DOCK8: variants seen among roughly 807,000 people sequenced by gnomAD.
The protein encoded by DOCK8 is dedicator of cytokinesis 8, also known as dedicator of cytokinesis protein 8.
DOCK8 carries 141 observed loss-of-function variants against 245.6 expected under a neutral mutation model. The observed-to-expected ratio is 0.57, with a 90% CI of 0.50 to 0.66. The LOEUF is 0.66. DOCK8 is among the 30% of genes least tolerant of loss of function. The probability of loss-of-function intolerance (pLI) is 0.00; values close to 1 mark genes in which losing one functional copy is unlikely to be tolerated. For missense variants in DOCK8, 2,965 were observed against 2,603.4 expected, an observed-to-expected ratio of 1.14 and a Z score of -3.02; for synonymous variants, 1,168 against 970.2, an observed-to-expected ratio of 1.20 and a Z score of -3.79.
In DOCK8 at chr9:451,973, A is replaced by G. The variant is rs867561881; in HGVS notation, c.5962-38A>G. The G allele has an allele frequency of 5.9e-5, 22 of 369,992 alleles. No homozygotes were observed. In the East Asian group the frequency reaches 6.7e-4, roughly 11 times the overall value. 22.9% of individuals were successfully genotyped at this position (369,992 alleles called of 1,614,324 possible). A position where few individuals can be genotyped will look rare whatever the true frequency, so the allele number is the denominator to read the frequency against. On this transcript the variant is annotated intron_variant, in intron 45 of 47. Transcript: ENST00000432829. ...TGTGTGTGTATATATATATATATAT[A>G]TATATTTTTTTTTTTTTTTTTTTTT... is the stretch of plus-strand genomic sequence containing the variant.
intron 7 of DOCK8, among the ~76,000 whole-genome samples, chr9:324,480 A>G (rs1210572942): frequency 6.6e-6 from 1 of 152,128 alleles, no homozygotes; most frequent in African/African-American, 2.4e-5. Context: ...TGCACCTGTA[A>G]TGTCCACCAA....
At chr9:310,920 G>A (rs1404521747) in intron 5 of DOCK8, among the ~76,000 whole-genome samples, 1 of 152,150 alleles carries the variant, frequency 6.6e-6, no homozygotes, top group Non-Finnish European at 1.5e-5. Context: ...ACTTGCTTCT[G>A]TCAAAACAAT....
At chr9:410,895 A>T (rs933820049) in intron 28 of DOCK8, among the ~76,000 whole-genome samples, 6 of 152,232 alleles carry the variant, frequency 3.9e-5, no homozygotes, top group Non-Finnish European at 2.9e-5. Context: ...ACACAATCAT[A>T]TCACAAGAGA....
chr9:352,604 G>A (rs1459234954), intron 14 of DOCK8, among the ~76,000 whole-genome samples: 5 of 152,132 alleles, frequency 3.3e-5, no homozygotes, highest in Middle Eastern at 3.4e-3. Context: ...TTAGCTGGGC[G>A]TGGTGGCGGG....
In DOCK8 at chr9:434,033, T is replaced by C; in HGVS notation, c.4886+58T>C. The stretch of plus-strand genomic sequence containing the variant: ...TTTGGGGGTCGAGGATTTGTCACTG[T>C]GGAGTTCTTACTAATGTAATGATCA... On this transcript the variant is annotated intron_variant, in intron 38 of 47. Coordinates refer to ENST00000432829, the MANE Select transcript of DOCK8 (RefSeq NM_203447.4). The C allele has an allele frequency of 2.4e-6, 3 of 1,236,476 alleles. No homozygotes were observed. The South Asian group carries it at 3.6e-5, about 15-fold the overall frequency. 76.6% of individuals were successfully genotyped at this position (1,236,476 alleles called of 1,614,324 possible).
At chr9:383,731 A>G (rs993266212) in intron 22 of DOCK8, among the ~76,000 whole-genome samples, 11 of 146,370 alleles carry the variant, frequency 7.5e-5, no homozygotes, top group Non-Finnish European at 1.5e-4. Context: ...AAAAATCCCA[A>G]GGAGCAATGC....
intron 2 of DOCK8, among the ~76,000 whole-genome samples, chr9:281,459 T>C (rs1384575369): frequency 6.6e-6 from 1 of 152,196 alleles, no homozygotes; most frequent in Non-Finnish European, 1.5e-5. Context: ...TTTTCATGTT[T>C]GGCTTTTGAG....
intron 26 of DOCK8, among the ~76,000 whole-genome samples, chr9:400,896 C>CG: frequency 9.1e-6 from 1 of 110,310 alleles, no homozygotes; most frequent in Middle Eastern, 4.5e-3. Flanking sequence ...ACCACCACCT[C>CG]CCCCACTACC....
chr9:235,304 C>A (rs1236680517), intron 1 of DOCK8, among the ~76,000 whole-genome samples: 2 of 152,120 alleles, frequency 1.3e-5, no homozygotes, highest in African/African-American at 4.8e-5. Flanking sequence ...TCAGTCTGCC[C>A]CTACTGGGGG....
chr9:339,501 G>C (rs1324755590), intron 13 of DOCK8, among the ~76,000 whole-genome samples: 1 of 152,062 alleles, frequency 6.6e-6, no homozygotes, highest in East Asian at 1.9e-4. Flanking sequence ...CTCAGGTCCA[G>C]GGAAGCCAGT....
At position 432,228 on chromosome 9, in the gene DOCK8, A is replaced by G. The variant is rs755894399; in HGVS notation, c.4689A>G (p.Pro1563=). Residue 1563 remains proline, a synonymous_variant, in exon 37 of 48, where the codon CCA becomes CCG. Coordinates refer to ENST00000432829, the MANE Select transcript of DOCK8 (RefSeq NM_203447.4). ...MSLASLVGRA[P]DFNEEHLRRS... ...TGGCATCTTTGGTGGGAAGAGCACC[A>G]GACTTTAATGAAGAGCACCTGAGAA... 6.2e-7 allele frequency: 1 copy of G among 1,613,926 alleles called. No individual in the cohort carries two copies. The highest frequency in any genetic ancestry group is 8.5e-7 in the Non-Finnish European group (1 of 1,179,972).
At chr9:348,280 C>T (rs1563949447) in intron 14 of DOCK8, among the ~76,000 whole-genome samples, 1 of 152,082 alleles carries the variant, frequency 6.6e-6, no homozygotes, top group Non-Finnish European at 1.5e-5. Flanking sequence ...ATATGTAAAC[C>T]ACAGAATGTG....
intron 4 of DOCK8, among the ~76,000 whole-genome samples, chr9:290,156 T>C (rs1043628491): frequency 1.3e-5 from 2 of 152,158 alleles, no homozygotes; most frequent in African/African-American, 4.8e-5. Flanking sequence ...ATTTTAAACA[T>C]AAAGAATAGA....
intron 27 of DOCK8, among the ~76,000 whole-genome samples, chr9:405,821 T>G (rs899215874): frequency 6.6e-6 from 1 of 152,228 alleles, no homozygotes; most frequent in Admixed American, 6.5e-5. Flanking sequence ...ATCCAGATAT[T>G]AGCTACATGA....
chr9:451,937 A>G, intron 45 of DOCK8, 74 bp from the exon 46 acceptor site: 1 of 302,104 alleles, frequency 3.3e-6, no homozygotes, highest in Non-Finnish European at 5.6e-6. Flanking sequence ...GTATGTGTAT[A>G]TATATATGTG....
At chr9:376,545 C>G (rs2053524997) in intron 19 of DOCK8, among the ~76,000 whole-genome samples, 1 of 152,142 alleles carries the variant, frequency 6.6e-6, no homozygotes, top group Non-Finnish European at 1.5e-5. Flanking sequence ...GGTGGAGAAA[C>G]TTTGCAGGGG....
intron 26 of DOCK8, among the ~76,000 whole-genome samples, chr9:400,801 C>CT: frequency 2.9e-5 from 3 of 103,070 alleles, no homozygotes; most frequent in Non-Finnish European, 5.8e-5. Context: ...TCACCACCAC[C>CT]TCCACCATCA....
intron 1 of DOCK8, among the ~76,000 whole-genome samples, chr9:234,258 A>G (rs1414939488): frequency 6.6e-6 from 1 of 152,194 alleles, no homozygotes; most frequent in East Asian, 1.9e-4. Flanking sequence ...GTTTCTGCCA[A>G]GAGATCAGCT....
chr9:409,343 A>G (rs545337652), intron 28 of DOCK8, among the ~76,000 whole-genome samples: 1 of 152,336 alleles, frequency 6.6e-6, no homozygotes, highest in Admixed American at 6.5e-5. Context: ...CTTTGTGTTA[A>G]GCCAGCAAAT....
Sources: allele counts gnomAD v4.1 joint callset (sites outside exome capture counted in the v4.1 genomes callset), GRCh38; gene constraint gnomAD v4.1.1; transcripts MANE v1.5; gene names NCBI Gene and HGNC (gene_info 2026-07-23, HGNC 2026-07-21).